RTN4RL2: variants seen among roughly 807,000 people sequenced by gnomAD.
The protein encoded by RTN4RL2 is reticulon-4 receptor-like 2.
Under a neutral mutation model 27.8 loss-of-function variants are expected in RTN4RL2, and 9 were observed. The ratio of observed to expected loss-of-function variants is 0.32; its 90% CI spans 0.20 to 0.57. RTN4RL2 has a LOEUF of 0.57. RTN4RL2 is among the 20% of genes least tolerant of loss of function. RTN4RL2 has a pLI of 0.90. For synonymous variants in RTN4RL2, 285 were observed against 297.9 expected (o/e 0.96, Z 0.45); for missense variants, 436 against 596.8 (o/e 0.73, Z 2.81).
At chr11:57,465,087 G>A (rs567903284) in intron 1 of RTN4RL2, among the ~76,000 whole-genome samples, 2 of 152,310 alleles carry the variant, frequency 1.3e-5, no homozygotes, top group South Asian at 4.1e-4. Context: ...CACTCACGGT[G>A]GGGCCCAAAA....
At chr11:57,465,794 C>CA (rs1342766744) in intron 1 of RTN4RL2, among the ~76,000 whole-genome samples, 2 of 151,762 alleles carry the variant, frequency 1.3e-5, no homozygotes, top group African/African-American at 2.4e-5. Flanking sequence ...GCCTGCTTTT[C>CA]CATCAGTATC....
chr11:57,462,327 A>T (rs759153692), intron 1 of RTN4RL2, among the ~76,000 whole-genome samples: 1 of 151,942 alleles, frequency 6.6e-6, no homozygotes, highest in Non-Finnish European at 1.5e-5. Flanking sequence ...CACCACCTCC[A>T]TCCCACTCCT....
chr11:57,466,046 G>T (rs1314496361), intron 1 of RTN4RL2, among the ~76,000 whole-genome samples: 1 of 142,050 alleles, frequency 7.0e-6, no homozygotes, highest in African/African-American at 2.7e-5. Flanking sequence ...TGTCACCCAG[G>T]CTGGAGTGCA....
At chr11:57,472,814 CCA>C (rs1299396771) in intron 2 of RTN4RL2, among the ~76,000 whole-genome samples, 2 of 152,106 alleles carry the variant, frequency 1.3e-5, no homozygotes, top group Admixed American at 1.3e-4. Flanking sequence ...AAAGCACAGT[CCA>C]AGGTCACCCA....
rs1417557821 is a variant in RTN4RL2, at chr11:57,476,939, T to C, written c.*28T>C. 21 of 1,524,066 alleles carry C rather than the reference T, an allele frequency of 1.4e-5. No individual in the cohort carries two copies. The highest frequency in any genetic ancestry group is 5.2e-5 in the East Asian group (2 of 38,362). The allele number at this position is 1,524,066 out of a possible 1,614,324, so 94.4% of individuals were successfully genotyped here. On this transcript the variant is annotated 3_prime_UTR_variant, in exon 3 of 3. Transcript: ENST00000335099. The surrounding 1 kb of genome is among the most constrained non-coding windows in gnomAD (Gnocchi z 8.2). ...GCGGTGCTGAGATCGAAGAGGCCAG[T>C]GTCCGATCCCCGCTTCCCGTCCACC...
At position 57,460,890 on chromosome 11, in the gene RTN4RL2, C is replaced by A; in HGVS notation, c.25C>A (p.Leu9Met). Residue 9 changes from leucine (L) to methionine (M), a missense_variant, in exon 1 of 3, where the codon CTG (leucine) becomes ATG (methionine). This residue lies in a region of RTN4RL2 where 365 missense variants were observed against 530.5 expected (regional missense o/e 0.69). Coordinates refer to ENST00000335099, the MANE Select transcript of RTN4RL2 (RefSeq NM_178570.3). Reference sequence around the variant, plus strand: ...GATGCTGCCCGGGCTCAGGCGCCTGCTGCAAGGTAAGAACGCCAGCGGCGG... The same window carrying A: ...GATGCTGCCCGGGCTCAGGCGCCTGATGCAAGGTAAGAACGCCAGCGGCGG... MLPGLRRL[L>M]QAPASACLLL... 7.1e-7 allele frequency: 1 copy of A among 1,405,010 alleles called. No homozygotes were observed. Among genetic ancestry groups the A allele is most frequent in the Non-Finnish European group, 9.4e-7 (1 of 1,065,502 alleles). 87.0% of individuals were successfully genotyped at this position (1,405,010 alleles called of 1,614,324 possible).
chr11:57,470,640 A>C (rs755804899), intron 2 of RTN4RL2, among the ~76,000 whole-genome samples: 18 of 150,510 alleles, frequency 1.2e-4, no homozygotes, highest in Non-Finnish European at 2.4e-4. Context: ...ACATATGGGC[A>C]CTATAATAAT....
At position 57,476,505 on chromosome 11, in the gene RTN4RL2, T is replaced by A; in HGVS notation, c.857T>A (p.Val286Glu). ...CGCGCGCGCGTGTCCAGCTCCGACGTGACCTGCGCCACCCCCCCGGAGCGC... is the reference window on the plus strand; with the variant it reads ...CGCGCGCGCGTGTCCAGCTCCGACGAGACCTGCGCCACCCCCCCGGAGCGC... ...FQRARVSSSD[V>E]TCATPPERQG... is the part of the protein sequence containing the mutation. The change falls in exon 3 of 3, where the codon GTG (valine) becomes GAG (glutamate). Residue 286 changes from valine to glutamate, a missense_variant. By Grantham distance (121) the Val-to-Glu change is moderately radical (BLOSUM62 -2). Coordinates refer to ENST00000335099, the MANE Select transcript of RTN4RL2 (RefSeq NM_178570.3). This position sits in a 1 kb window ranked among gnomAD's most constrained non-coding sequence, Gnocchi z 8.2. 1 of 1,485,506 alleles carries A rather than the reference T, an allele frequency of 6.7e-7. No homozygotes were observed. The highest frequency in any genetic ancestry group is 8.9e-7 in the Non-Finnish European group (1 of 1,128,562). 92.0% of individuals were successfully genotyped at this position (1,485,506 alleles called of 1,614,324 possible).
intron 1 of RTN4RL2, among the ~76,000 whole-genome samples, chr11:57,466,796 C>T (rs1334789406): frequency 6.6e-6 from 1 of 152,164 alleles, no homozygotes; most frequent in Non-Finnish European, 1.5e-5. Context: ...GTGACTTTGC[C>T]CCCCAGGGGA....
chr11:57,468,829 G>C, intron 2 of RTN4RL2: 1 of 1,132,374 alleles, frequency 8.8e-7, no homozygotes, highest in Non-Finnish European at 1.3e-6. Context: ...CTCTGAAAAT[G>C]GAAGGAATAC....
chr11:57,469,160 G>C (rs1290670250), intron 2 of RTN4RL2, among the ~76,000 whole-genome samples: 1 of 152,146 alleles, frequency 6.6e-6, no homozygotes, highest in Admixed American at 6.5e-5. Flanking sequence ...AATAACAATA[G>C]CCATAACAAC....
intron 1 of RTN4RL2, among the ~76,000 whole-genome samples, chr11:57,465,405 AC>A (rs1258227401): frequency 6.6e-6 from 1 of 151,976 alleles, no homozygotes; most frequent in African/African-American, 2.4e-5. Context: ...AAAATCACCA[AC>A]CCCTCAGTCT....
chr11:57,466,656 GA>G (rs2135118045), intron 1 of RTN4RL2, among the ~76,000 whole-genome samples: 1 of 152,234 alleles, frequency 6.6e-6, no homozygotes, highest in South Asian at 2.1e-4. Flanking sequence ...CTGCAAGGGC[GA>G]AAAGTACAGG....
chr11:57,467,536 T>TG lies in RTN4RL2; in HGVS notation c.32-67dup. 1.3e-6 allele frequency: 2 copies of TG among 1,535,622 alleles called. No individual in the cohort carries two copies. ...GCCGGGTCTAGGCCTTTTACCAAGT[T>TG]GGGGGGCTGGCCCCCAGCTGGCACT... is the stretch of plus-strand genomic sequence containing the variant. On this transcript the variant is annotated intron_variant, in intron 1 of 2. Transcript: ENST00000335099. This position sits in a 1 kb window ranked among gnomAD's most constrained non-coding sequence, Gnocchi z 5.5.
intron 2 of RTN4RL2, among the ~76,000 whole-genome samples, chr11:57,471,107 G>A (rs931068805): frequency 6.6e-6 from 1 of 152,032 alleles, no homozygotes; most frequent in Non-Finnish European, 1.5e-5. Context: ...GGGGTGGCAG[G>A]TGTCTGTAAT....
At chr11:57,473,570 G>A (rs1363894785) in intron 2 of RTN4RL2, among the ~76,000 whole-genome samples, 1 of 135,304 alleles carries the variant, frequency 7.4e-6, no homozygotes, top group Non-Finnish European at 1.6e-5. Flanking sequence ...CCAGAGGGAG[G>A]GGAGATAGGG....
In RTN4RL2 at chr11:57,476,851, C is replaced by T; in HGVS notation, c.1203C>T (p.Leu401=). 6.4e-7 allele frequency: 1 copy of T among 1,572,956 alleles called. No homozygotes were observed. The highest frequency in any genetic ancestry group is 8.6e-7 in the Non-Finnish European group (1 of 1,165,630). Residue 401 remains leucine, a synonymous_variant, in exon 3 of 3, where the codon CTC becomes CTT. Coordinates refer to ENST00000335099, the MANE Select transcript of RTN4RL2 (RefSeq NM_178570.3). The surrounding 1 kb of genome is among the most constrained non-coding windows in gnomAD (Gnocchi z 8.2). ...CCCCGGACTCCCGAGGCCCTGCGCT[C>T]TCGGCCGGGCTCCCCAGCCCTCTGC... ...QAPPDSRGPA[L]SAGLPSPLLC... is the part of the protein sequence containing the mutation.
intron 1 of RTN4RL2, among the ~76,000 whole-genome samples, chr11:57,464,520 A>G (rs111631302): frequency 0.012 from 1,861 of 152,216 alleles, 42 homozygotes; most frequent in African/African-American, 0.043. Flanking sequence ...GTCCTTAGGG[A>G]AGTGGAGATC....
chr11:57,472,281 T>C (rs1041486491), intron 2 of RTN4RL2, among the ~76,000 whole-genome samples: 1 of 152,104 alleles, frequency 6.6e-6, no homozygotes, highest in Non-Finnish European at 1.5e-5. Flanking sequence ...TGGCGCAATC[T>C]TGGCTCACTG....
Sources: gnomAD v4.1 joint callset for allele counts (sites outside exome capture counted in the v4.1 genomes callset) on GRCh38, gnomAD v4.1.1 for gene constraint, gnomAD v4.1.1 regional missense constraint, Gnocchi (gnomAD v3.1) non-coding constraint, MANE v1.5 for transcripts, NCBI Gene and HGNC (gene_info 2026-07-23, HGNC 2026-07-21) for gene names.